VAV3: variants seen among roughly 807,000 people sequenced by gnomAD.
VAV3 encodes vav guanine nucleotide exchange factor 3, also known as guanine nucleotide exchange factor VAV3.
VAV3 carries 94 observed loss-of-function variants against 131.2 expected under a neutral mutation model. The observed-to-expected ratio is 0.72, with a 90% confidence interval of 0.61 to 0.85. VAV3 has a LOEUF of 0.85. Among genes scored for constraint, VAV3 ranks in the 40% least tolerant of loss-of-function variants. The pLI is 0.00. For synonymous variants in VAV3, 349 were observed against 342.0 expected (o/e 1.02, Z -0.22); for missense variants, 939 against 1,002.7 (o/e 0.94, Z 0.86).
At chr1:107,804,762 T>G (rs577393192) in intron 2 of VAV3, among the ~76,000 whole-genome samples, 61 of 110,110 alleles carry the variant, frequency 5.5e-4, no homozygotes, top group Non-Finnish European at 7.9e-4. Flanking sequence ...ATATTTTTGG[T>G]TTTTTTTGTT....
At chr1:107,733,345 G>A (rs577001892) in intron 15 of VAV3, among the ~76,000 whole-genome samples, 24 of 152,320 alleles carry the variant, frequency 1.6e-4, no homozygotes, top group Admixed American at 1.2e-3. Context: ...CCAAAGGATC[G>A]CAGCTCCTCG....
intron 17 of VAV3, 198 bp from the exon 18 acceptor site, chr1:107,688,604 G>T: frequency 7.2e-7 from 1 of 1,396,648 alleles, no homozygotes; most frequent in East Asian, 2.6e-5. Flanking sequence ...GGCTTGTCAG[G>T]AAAGTGACTC....
intron 4 of VAV3, among the ~76,000 whole-genome samples, chr1:107,773,725 G>A (rs1390638801): frequency 2.0e-5 from 3 of 152,200 alleles, no homozygotes; most frequent in Admixed American, 6.5e-5. Flanking sequence ...TCCATACTGA[G>A]GGGTTTAGGC....
At chr1:107,936,064 A>G (rs967057487) in intron 1 of VAV3, among the ~76,000 whole-genome samples, 1 of 152,228 alleles carries the variant, frequency 6.6e-6, no homozygotes, top group Non-Finnish European at 1.5e-5. Context: ...AACGTAGGAC[A>G]TTATTACAGT....
chr1:107,708,110 A>C (rs998478421), intron 15 of VAV3, among the ~76,000 whole-genome samples: 1 of 152,228 alleles, frequency 6.6e-6, no homozygotes. Context: ...AGCTGGAGTC[A>C]AATGAGCAAA....
rs1667371066 is a variant in VAV3, at chr1:107,812,601, A to C, written c.322-33109T>G. ...TGGTGAATAATGTATAGTGCTCAGA[A>C]GCCCAAGTAACAATTGGTCTAGAAC... On this transcript the variant is annotated intron_variant, in intron 2 of 26. Coordinates refer to ENST00000370056, the MANE Select transcript of VAV3 (RefSeq NM_006113.5). 2.0e-5 allele frequency among the ~76,000 whole-genome samples: 3 copies of C among 152,132 alleles called. No homozygotes were observed. The South Asian group carries it at 6.2e-4, about 31-fold the overall frequency.
chr1:107,884,404 ATTTATT>A (rs1557901021), intron 1 of VAV3, among the ~76,000 whole-genome samples: 1 of 112,298 alleles, frequency 8.9e-6, no homozygotes, highest in African/African-American at 3.5e-5. Context: ...AAAATAAATT[ATTTATT>A]ATTATTATTA....
chr1:107,897,287 A>G (rs944038287), intron 1 of VAV3: 2 of 151,002 alleles, frequency 1.3e-5, no homozygotes, highest in African/African-American at 4.9e-5. Flanking sequence ...ATATGTATGT[A>G]GTAGTCAAAG....
At chr1:107,649,822 T>C (rs1230285893) in intron 19 of VAV3, among the ~76,000 whole-genome samples, 4 of 152,122 alleles carry the variant, frequency 2.6e-5, no homozygotes, top group Non-Finnish European at 5.9e-5. Context: ...CTTTGCACTG[T>C]GAATGCTACC....
At chr1:107,766,119 C>T (rs189191481) in intron 8 of VAV3, among the ~76,000 whole-genome samples, 2 of 152,212 alleles carry the variant, frequency 1.3e-5, no homozygotes, top group East Asian at 3.9e-4. Flanking sequence ...GACACAGAGG[C>T]TCAGAGAGTT....
At position 107,908,859 on chromosome 1, in the gene VAV3, ACACAC is replaced by A. The variant is rs1473651065; in HGVS notation, c.205-33847_205-33843del. Reference sequence around the variant, plus strand: ...CACACACACACACACACACACACACACACACACACACACACAATATAAAACATATT... The same window carrying A: ...CACACACACACACACACACACACACAACACACACACAATATAAAACATATT... On this transcript the variant is annotated intron_variant, in intron 1 of 26. Coordinates refer to ENST00000370056, the MANE Select transcript of VAV3 (RefSeq NM_006113.5). 2.7e-5 allele frequency among the ~76,000 whole-genome samples: 4 copies of A among 145,880 alleles called. No individual in the cohort carries two copies. The East Asian group carries it at 7.9e-4, about 29-fold the overall frequency.
chr1:107,721,672 G>A (rs1661509852), intron 15 of VAV3, among the ~76,000 whole-genome samples: 1 of 152,024 alleles, frequency 6.6e-6, no homozygotes, highest in Non-Finnish European at 1.5e-5. Flanking sequence ...CAACATCTAG[G>A]TATCAAGGCT....
chr1:107,886,772 C>A (rs1266344560), intron 1 of VAV3, among the ~76,000 whole-genome samples: 1 of 152,082 alleles, frequency 6.6e-6, no homozygotes, highest in African/African-American at 2.4e-5. Flanking sequence ...AAGCAGCACA[C>A]CCCCACCCAG....
chr1:107,579,260 A>G (rs906120394), intron 25 of VAV3, among the ~76,000 whole-genome samples: 1 of 152,202 alleles, frequency 6.6e-6, no homozygotes, highest in African/African-American at 2.4e-5. Flanking sequence ...TTTTTCCCTT[A>G]TGAATGCAGG....
intron 1 of VAV3, among the ~76,000 whole-genome samples, chr1:107,962,525 T>C (rs752221930): frequency 6.6e-6 from 1 of 152,222 alleles, no homozygotes; most frequent in Admixed American, 6.5e-5. Flanking sequence ...AGTTGTTTCA[T>C]AAAATCATTT....
chr1:107,889,742 C>T (rs892236098), intron 1 of VAV3, among the ~76,000 whole-genome samples: 1 of 152,156 alleles, frequency 6.6e-6, no homozygotes, highest in Non-Finnish European at 1.5e-5. Flanking sequence ...AATGATGTAG[C>T]ACAGTCTATT....
At chr1:107,959,052 T>A (rs1674957158) in intron 1 of VAV3, among the ~76,000 whole-genome samples, 1 of 152,036 alleles carries the variant, frequency 6.6e-6, no homozygotes, top group African/African-American at 2.4e-5. Flanking sequence ...ACCTGAGGTC[T>A]GAAGTTTGAG....
chr1:107,882,650 T>G (rs1394550218), intron 1 of VAV3, among the ~76,000 whole-genome samples: 1 of 152,154 alleles, frequency 6.6e-6, no homozygotes, highest in African/African-American at 2.4e-5. Context: ...TATCTCTCTT[T>G]TAAAATTAGG....
chr1:107,769,457 T>C (rs951290838), intron 6 of VAV3, among the ~76,000 whole-genome samples: 1 of 152,216 alleles, frequency 6.6e-6, no homozygotes, highest in Non-Finnish European at 1.5e-5. Flanking sequence ...AATGCTTGCA[T>C]ACTTTCACTT....
Sources: gnomAD v4.1 joint callset for allele counts (sites outside exome capture counted in the v4.1 genomes callset) on GRCh38, gnomAD v4.1.1 for gene constraint, MANE v1.5 for transcripts, NCBI Gene and HGNC (gene_info 2026-07-23, HGNC 2026-07-21) for gene names.